METTL24: variants seen among roughly 807,000 people sequenced by gnomAD.
METTL24 encodes methyltransferase like 24, also known as probable methyltransferase-like protein 24.
Under a neutral mutation model 32.7 loss-of-function variants are expected in METTL24, and 29 were observed. That is an observed-to-expected ratio of 0.89 (90% CI 0.66 to 1.21). METTL24 has a LOEUF of 1.21. Ranked by LOEUF, METTL24 falls within the 50% of genes most tolerant of loss-of-function variation. The pLI, the probability that METTL24 is intolerant of heterozygous loss-of-function variation, is 0.00. For missense variants in METTL24, 439 were observed against 468.1 expected (o/e 0.94, Z 0.57); for synonymous variants, 163 against 179.5 (o/e 0.91, Z 0.73).
chr6:110,282,423 G>A (rs913201501), intron 4 of METTL24, among the ~76,000 whole-genome samples: 3 of 152,070 alleles, frequency 2.0e-5, no homozygotes, highest in Admixed American at 6.6e-5. Context: ...CACTGTACTA[G>A]TTTTTTTATA....
intron 1 of METTL24, among the ~76,000 whole-genome samples, chr6:110,324,468 A>G (rs1168021258): frequency 6.6e-6 from 1 of 152,192 alleles, no homozygotes; most frequent in African/African-American, 2.4e-5. Context: ...TGCTGTCTCG[A>G]AATTCTTAGT....
intron 4 of METTL24, among the ~76,000 whole-genome samples, chr6:110,272,443 T>A (rs548743023): frequency 2.0e-5 from 3 of 152,214 alleles, no homozygotes; most frequent in Non-Finnish European, 4.4e-5. Context: ...TGTGCATGTG[T>A]CTTTTTCATA....
chr6:110,336,738 CAAAAAA>C (rs57378153), intron 1 of METTL24, among the ~76,000 whole-genome samples: 6 of 131,392 alleles, frequency 4.6e-5, no homozygotes, highest in African/African-American at 1.2e-4. Context: ...GACTCCGCCT[CAAAAAA>C]AAAAAAAAAA....
intron 4 of METTL24, among the ~76,000 whole-genome samples, chr6:110,287,870 G>A (rs1771251760): frequency 6.6e-6 from 1 of 152,160 alleles, no homozygotes; most frequent in South Asian, 2.1e-4. Context: ...TCAGAAGCAA[G>A]GCTCCAGCTT....
Position 110,274,776 on chromosome 6 carries a change from T to G in METTL24, c.786+24146A>C, listed in dbSNP as rs1401497677. ...CCACATTTTACATTTTGGTAGCTTT[T>G]TTTTTTTTTTTCCTTTTCGTTCTTT... On this transcript the variant is annotated intron_variant, in intron 4 of 4. Transcript: ENST00000338882. 3.3e-5 allele frequency among the ~76,000 whole-genome samples: 5 copies of G among 151,098 alleles called. No homozygotes were observed. In the East Asian group the frequency reaches 9.7e-4, roughly 29 times the overall value.
intron 4 of METTL24, among the ~76,000 whole-genome samples, chr6:110,271,376 AC>A (rs1770956199): frequency 6.6e-6 from 1 of 151,906 alleles, no homozygotes; most frequent in Non-Finnish European, 1.5e-5. Context: ...GCTCACTGCA[AC>A]CCCCACCTCC....
At position 110,302,649 on chromosome 6, in the gene METTL24, A is replaced by G. The variant is rs768394177; in HGVS notation, c.558-3499T>C. Among the ~76,000 whole-genome samples the G allele has an allele frequency of 7.4e-5, 7 of 94,056 alleles. 2 individuals carry two copies. The South Asian group carries it at 1.0e-3, about 14-fold the overall frequency. The allele number at this position is 94,056 out of a possible 152,430, so 61.7% of individuals were successfully genotyped here. ...TACACATATACACACACATATGTGT[A>G]TATATATACACATATACACACACAT... On this transcript the variant is annotated intron_variant, in intron 3 of 4. Coordinates refer to ENST00000338882, the MANE Select transcript of METTL24 (RefSeq NM_001123364.3).
At position 110,246,146 on chromosome 6, in the gene METTL24, A is replaced by G. The variant is rs1778154547; in HGVS notation, c.901T>C (p.Trp301Arg). The G allele has an allele frequency of 1.2e-6, 2 of 1,614,092 alleles. No individual in the cohort carries two copies. The highest frequency in any genetic ancestry group is 1.1e-5 in the South Asian group (1 of 91,094). Reference protein sequence around the residue: ...GQLIFEIHLHWPGFEVSGSDS... With the variant: ...GQLIFEIHLHRPGFEVSGSDS... ...CTGCCACTGACCTCAAACCCAGGCC[A>G]GTGGAGATGGATCTCAAAGATGAGC... The change falls in exon 5 of 5, where the codon TGG (tryptophan) becomes CGG (arginine). Residue 301 changes from tryptophan (W) to arginine (R), a missense_variant. By Grantham distance (101) the Trp-to-Arg change is moderately radical. Transcript: ENST00000338882.
intron 4 of METTL24, among the ~76,000 whole-genome samples, chr6:110,257,243 A>G (rs1778402377): frequency 6.6e-6 from 1 of 152,210 alleles, no homozygotes; most frequent in African/African-American, 2.4e-5. Flanking sequence ...GATAATATCA[A>G]TATTTAATTC....
At chr6:110,350,570 G>C (rs576802573) in intron 1 of METTL24, among the ~76,000 whole-genome samples, 2 of 151,386 alleles carry the variant, frequency 1.3e-5, no homozygotes, top group Non-Finnish European at 2.9e-5. Flanking sequence ...TCTAAGTTTC[G>C]TTTGAGAACC....
At chr6:110,304,999 C>T (rs893268623) in intron 3 of METTL24, among the ~76,000 whole-genome samples, 10 of 152,106 alleles carry the variant, frequency 6.6e-5, no homozygotes, top group African/African-American at 2.4e-4. Flanking sequence ...CAGTGGGGGC[C>T]AATACTCAAC....
At chr6:110,349,986 G>A (rs1362915896) in intron 1 of METTL24, among the ~76,000 whole-genome samples, 2 of 152,228 alleles carry the variant, frequency 1.3e-5, no homozygotes, top group African/African-American at 2.4e-5. Flanking sequence ...GCCTCTGATA[G>A]AACCTCGGCC....
intron 4 of METTL24, among the ~76,000 whole-genome samples, chr6:110,249,249 G>C (rs184918956): frequency 7.4e-4 from 113 of 151,996 alleles, no homozygotes; most frequent in Middle Eastern, 3.4e-3. Context: ...AAATTATTAG[G>C]CTAAATCATA....
chr6:110,298,279 T>A (rs1321500567), intron 4 of METTL24, among the ~76,000 whole-genome samples: 1 of 152,212 alleles, frequency 6.6e-6, no homozygotes, highest in Non-Finnish European at 1.5e-5. Flanking sequence ...TTAGCTCGGG[T>A]ATACTACACT....
At chr6:110,270,810 G>C (rs2085332114) in intron 4 of METTL24, among the ~76,000 whole-genome samples, 1 of 151,378 alleles carries the variant, frequency 6.6e-6, no homozygotes, top group South Asian at 2.1e-4. Context: ...ATTACATGAG[G>C]AGAGGAAGAA....
intron 1 of METTL24, among the ~76,000 whole-genome samples, chr6:110,353,550 T>C (rs1772650699): frequency 6.7e-6 from 1 of 149,666 alleles, no homozygotes; most frequent in African/African-American, 2.4e-5. Context: ...AACAGTTCTT[T>C]TTTTTTTTTT....
At chr6:110,333,484 G>C (rs1772147989) in intron 1 of METTL24, among the ~76,000 whole-genome samples, 1 of 151,836 alleles carries the variant, frequency 6.6e-6, no homozygotes, top group African/African-American at 2.4e-5. Context: ...ATTTTTTGAG[G>C]GGAGTCTTGC....
intron 4 of METTL24, among the ~76,000 whole-genome samples, chr6:110,274,802 CTTT>C (rs1196371607): frequency 4.4e-5 from 4 of 90,080 alleles, no homozygotes; most frequent in African/African-American, 8.4e-5. Flanking sequence ...TTCGTTCTTT[CTTT>C]TTTTTTTTTT....
At position 110,299,047 on chromosome 6, in the gene METTL24, G is replaced by A. The variant is rs768213680; in HGVS notation, c.661C>T (p.Gln221Ter). Residue 221 changes from glutamine (Q) to a stop codon, truncating the protein, a stop_gained, in exon 4 of 5, where the codon CAG becomes TAG. Transcript: ENST00000338882. LOFTEE classifies it high-confidence loss of function. ...SVKSAHILESQHLWYHRLSID... is the reference protein window; with the variant it reads ...SVKSAHILES The stretch of plus-strand genomic sequence containing the variant: ...GACAAGCGGTGATACCAAAGGTGCT[G>A]ACTCTCCAGAATGTGAGCTGACTTG... 1.2e-6 allele frequency: 2 copies of A among 1,614,208 alleles called. No individual in the cohort carries two copies. Among genetic ancestry groups the A allele is most frequent in the Non-Finnish European group, 1.7e-6 (2 of 1,180,036 alleles).
Sources: gnomAD v4.1 joint callset for allele counts (sites outside exome capture counted in the v4.1 genomes callset) on GRCh38, gnomAD v4.1.1 for gene constraint, MANE v1.5 for transcripts, NCBI Gene and HGNC (gene_info 2026-07-23, HGNC 2026-07-21) for gene names.